Variants in REDIC1 observed in about 807,000 individuals in gnomAD.
REDIC1 encodes the protein HEI10 Interacting Protein 1.
the REDIC1 span, among the ~76,000 whole-genome samples, chr12:39,745,454 C>G: frequency 6.6e-6 from 1 of 152,266 alleles, no homozygotes; most frequent in South Asian, 2.1e-4. Context: ...TCCTCTGACT[C>G]AATTATTTTG....
the REDIC1 span, among the ~76,000 whole-genome samples, chr12:39,673,194 G>T: frequency 6.6e-6 from 1 of 152,122 alleles, no homozygotes; most frequent in Non-Finnish European, 1.5e-5. Context: ...GAATTCCAGT[G>T]TGTTCTCTTT....
chr12:39,635,294 C>T, the REDIC1 span, among the ~76,000 whole-genome samples: 2 of 152,040 alleles, frequency 1.3e-5, no homozygotes, highest in African/African-American at 2.4e-5. Context: ...CATTACTGGG[C>T]ATATACCCAA....
the REDIC1 span, among the ~76,000 whole-genome samples, chr12:39,814,323 A>AATT: frequency 6.6e-6 from 1 of 152,176 alleles, no homozygotes; most frequent in Non-Finnish European, 1.5e-5. Context: ...ATGTACTTAT[A>AATT]ATTTCCTCTT....
chr12:39,754,474 C>G, the REDIC1 span: 1 of 152,116 alleles, frequency 6.6e-6, no homozygotes. Flanking sequence ...CTAGAGTCTT[C>G]AGAAGATCTC....
chr12:39,717,291 C>T, the REDIC1 span, among the ~76,000 whole-genome samples: 1 of 151,770 alleles, frequency 6.6e-6, no homozygotes, highest in East Asian at 1.9e-4. Flanking sequence ...CCTACTGTTG[C>T]CAGAATCCTT....
the REDIC1 span, among the ~76,000 whole-genome samples, chr12:39,828,906 T>A: frequency 5.2e-4 from 79 of 152,286 alleles, 1 homozygote; most frequent in East Asian, 0.014. Context: ...CATATTTCTT[T>A]GTAATTAGTA....
the REDIC1 span, chr12:39,756,597 A>T: frequency 6.6e-6 from 1 of 151,830 alleles, no homozygotes; most frequent in South Asian, 2.1e-4. Flanking sequence ...AAACATATGG[A>T]TGGTATTTTC....
At chr12:39,845,390 A>G in the REDIC1 span, among the ~76,000 whole-genome samples, 1 of 152,156 alleles carries the variant, frequency 6.6e-6, no homozygotes, top group Non-Finnish European at 1.5e-5. Flanking sequence ...TTTGTCAAAC[A>G]CTATAACACT....
the REDIC1 span, among the ~76,000 whole-genome samples, chr12:39,844,312 T>C: frequency 2.0e-5 from 3 of 152,084 alleles, no homozygotes; most frequent in East Asian, 1.9e-4. Context: ...TTTAGGGTCA[T>C]AGTAACAGCT....
At chr12:39,702,227 C>G in the REDIC1 span, among the ~76,000 whole-genome samples, 1 of 151,902 alleles carries the variant, frequency 6.6e-6, no homozygotes, top group Non-Finnish European at 1.5e-5. Context: ...ATCAAATAGA[C>G]GCAATAAAAA....
the REDIC1 span, among the ~76,000 whole-genome samples, chr12:39,627,311 T>G: frequency 6.6e-6 from 1 of 152,214 alleles, no homozygotes; most frequent in African/African-American, 2.4e-5. Context: ...GCAGACGTAC[T>G]CTGGAGAAAA....
the REDIC1 span, among the ~76,000 whole-genome samples, chr12:39,824,747 T>G: frequency 6.6e-6 from 1 of 152,092 alleles, no homozygotes; most frequent in African/African-American, 2.4e-5. Flanking sequence ...GTATGCTACA[T>G]CCAGGGGAGT....
At chr12:39,714,216 C>CGTATGT in the REDIC1 span, among the ~76,000 whole-genome samples, 1 of 39,056 alleles carries the variant, frequency 2.6e-5, no homozygotes, top group African/African-American at 5.7e-5. Context: ...CATGCATATA[C>CGTATGT]GTATATGCAT....
the REDIC1 span, among the ~76,000 whole-genome samples, chr12:39,893,895 G>T: frequency 6.6e-6 from 1 of 152,150 alleles, no homozygotes; most frequent in South Asian, 2.1e-4. Flanking sequence ...AATTGAAAAA[G>T]TAAATCCATT....
At chr12:39,744,163 A>G in the REDIC1 span, among the ~76,000 whole-genome samples, 3 of 152,258 alleles carry the variant, frequency 2.0e-5, no homozygotes, top group African/African-American at 7.2e-5. Context: ...AAACCATGCA[A>G]GCATGAAAAG....
the REDIC1 span, chr12:39,683,539 ATGAATGT>A: frequency 7.4e-7 from 1 of 1,354,394 alleles, no homozygotes; most frequent in Non-Finnish European, 1.0e-6. Context: ...ATGATGCATG[ATGAATGT>A]TGAATTGATG....
At chr12:39,798,381 A>G in the REDIC1 span, among the ~76,000 whole-genome samples, 1 of 152,226 alleles carries the variant, frequency 6.6e-6, no homozygotes, top group East Asian at 1.9e-4. Context: ...CACTTGTGGC[A>G]TAGCAATAGA....
At chr12:39,900,912 G>A in the REDIC1 span, among the ~76,000 whole-genome samples, 11 of 152,156 alleles carry the variant, frequency 7.2e-5, no homozygotes, top group Non-Finnish European at 1.0e-4. Flanking sequence ...CAAAGCTGGA[G>A]GCATCACGCT....
the REDIC1 span, among the ~76,000 whole-genome samples, chr12:39,644,440 T>C: frequency 6.6e-6 from 1 of 151,750 alleles, no homozygotes; most frequent in Non-Finnish European, 1.5e-5. Flanking sequence ...TTCAAGTAAA[T>C]AAAAAGCTTA....
Sources: gnomAD v4.1 joint callset for allele counts (sites outside exome capture counted in the v4.1 genomes callset) on GRCh38, gnomAD v4.1.1 for gene constraint, MANE v1.5 for transcripts, NCBI Gene and HGNC (gene_info 2026-07-23, HGNC 2026-07-21) for gene names.